Variants in CACNA1E observed in about 807,000 individuals in gnomAD.
CACNA1E encodes voltage-dependent R-type calcium channel subunit alpha-1E.
CACNA1E carries 40 observed loss-of-function variants against 259.2 expected under a neutral mutation model. The ratio of observed to expected loss-of-function variants is 0.15; its 90% CI spans 0.12 to 0.20. CACNA1E has a LOEUF of 0.20. Ranked by LOEUF, CACNA1E falls within the 10% of genes least tolerant of loss-of-function variation. CACNA1E has a pLI of 1.00. For missense variants in CACNA1E, 1,874 were observed against 3,040.1 expected (o/e 0.62, Z 9.02); for synonymous variants, 1,104 against 1,138.5 (o/e 0.97, Z 0.61).
chr1:181,406,682 A>G (rs1221485627), intron 1 of CACNA1E, among the ~76,000 whole-genome samples: 2 of 152,138 alleles, frequency 1.3e-5, no homozygotes, highest in Non-Finnish European at 2.9e-5. Flanking sequence ...CTTTACATGT[A>G]TCTACTTAAT....
chr1:181,508,351 C>A (rs995399705), intron 1 of CACNA1E, among the ~76,000 whole-genome samples: 1 of 152,200 alleles, frequency 6.6e-6, no homozygotes, highest in African/African-American at 2.4e-5. Context: ...ACGCTCTCAA[C>A]TTCTGTTGTC....
Position 181,726,143 on chromosome 1 carries a change from C to T in CACNA1E, c.2221C>T (p.Pro741Ser), listed in dbSNP as rs1046610607. 5.0e-6 allele frequency: 8 copies of T among 1,612,402 alleles called. No homozygotes were observed. The highest frequency in any genetic ancestry group is 6.8e-6 in the Non-Finnish European group (8 of 1,179,098). Residue 741 changes from proline to serine, a missense_variant, in exon 18 of 48, where the codon CCC (proline) becomes TCC (serine). Physicochemically the swap from Pro to Ser is moderately conservative, Grantham distance 74. Transcript: ENST00000367573. ...CAAGGAGGTCAGCCCGATGTCTGCA[C>T]CCAACATGCCTTCGATCGAGTGAGT... The part of the protein sequence containing the change: ...KAKEVSPMSA[P>S]NMPSIERDRR...
chr1:181,668,418 T>A (rs1025363199), intron 7 of CACNA1E, among the ~76,000 whole-genome samples: 1 of 152,210 alleles, frequency 6.6e-6, no homozygotes, highest in Non-Finnish European at 1.5e-5. Context: ...TTTTTTCAGT[T>A]TGGGTTACTA....
chr1:181,491,687 A>G (rs567974931), intron 1 of CACNA1E, among the ~76,000 whole-genome samples: 5 of 152,372 alleles, frequency 3.3e-5, no homozygotes, highest in African/African-American at 1.2e-4. Context: ...GACCAGGGAC[A>G]TATTAAGCAA....
chr1:181,469,384 G>C (rs1662350631), intron 2 of CACNA1E, among the ~76,000 whole-genome samples: 1 of 152,150 alleles, frequency 6.6e-6, no homozygotes, highest in Admixed American at 6.5e-5. Flanking sequence ...CGAGTTAGGG[G>C]GAGACTGCAA....
chr1:181,524,376 C>A (rs1020948713), intron 3 of CACNA1E, among the ~76,000 whole-genome samples: 5 of 152,184 alleles, frequency 3.3e-5, no homozygotes, highest in Admixed American at 3.3e-4. Flanking sequence ...CAATGTGACC[C>A]GTACAGAGCT....
chr1:181,407,949 C>A (rs539634010), intron 1 of CACNA1E, among the ~76,000 whole-genome samples: 57 of 152,296 alleles, frequency 3.7e-4, no homozygotes, highest in Middle Eastern at 6.8e-3. Context: ...ATTAGGACAT[C>A]TTTACCCTCA....
intron 7 of CACNA1E, among the ~76,000 whole-genome samples, chr1:181,658,030 G>A (rs1659350661): frequency 6.6e-6 from 1 of 152,172 alleles, no homozygotes; most frequent in African/African-American, 2.4e-5. Flanking sequence ...ATAATGTCAT[G>A]TTTGTGTAAT....
chr1:181,777,296 A>G (rs2102802206), intron 38 of CACNA1E, among the ~76,000 whole-genome samples: 1 of 152,276 alleles, frequency 6.6e-6, no homozygotes, highest in African/African-American at 2.4e-5. Flanking sequence ...CCCCTCTGAA[A>G]AATACTACAA....
intron 1 of CACNA1E, among the ~76,000 whole-genome samples, chr1:181,353,523 T>TGA (rs897766404): frequency 6.6e-6 from 1 of 151,866 alleles, no homozygotes; most frequent in Non-Finnish European, 1.5e-5. Flanking sequence ...GACAAGCTCT[T>TGA]GAGAGAGAGA....
intron 3 of CACNA1E, among the ~76,000 whole-genome samples, chr1:181,561,562 T>C (rs1649330176): frequency 6.6e-6 from 1 of 152,238 alleles, no homozygotes; most frequent in Non-Finnish European, 1.5e-5. Context: ...CTTTTTGGCT[T>C]CTTGCACTTT....
At position 181,428,247 on chromosome 1, in the gene CACNA1E, C is replaced by T. The variant is rs578218321; in HGVS notation, c.434+14667C>T. On this transcript the variant is annotated intron_variant, in intron 2 of 11. Transcript: ENST00000524607. ...TCACAGTCTGTGTTATCTCTCTGGCCCCACTGGAGAGGCCCGATGAATTAA... is the reference window on the plus strand; with the variant it reads ...TCACAGTCTGTGTTATCTCTCTGGCTCCACTGGAGAGGCCCGATGAATTAA... Among the ~76,000 whole-genome samples the T allele has an allele frequency of 2.5e-3, 376 of 152,246 alleles. 2 individuals carry two copies. The highest frequency in any genetic ancestry group is 8.0e-3 in the African/African-American group (333 of 41,536).
intron 18 of CACNA1E, among the ~76,000 whole-genome samples, chr1:181,726,486 C>G (rs1037281413): frequency 6.6e-6 from 1 of 152,110 alleles, no homozygotes; most frequent in South Asian, 2.1e-4. Flanking sequence ...GCTGTTTAAG[C>G]CAAGACCTAA....
chr1:181,738,272 G>A (rs986731910), intron 23 of CACNA1E, 95 bp from the exon 24 acceptor site: 4 of 925,988 alleles, frequency 4.3e-6, no homozygotes, highest in Admixed American at 1.7e-5. Context: ...GCCAGGGTGG[G>A]CGTGCACGAG....
At chr1:181,664,919 C>A (rs1311297199) in intron 7 of CACNA1E, among the ~76,000 whole-genome samples, 1 of 152,136 alleles carries the variant, frequency 6.6e-6, no homozygotes, top group East Asian at 1.9e-4. Flanking sequence ...AAGCATTTAT[C>A]CTTTTTAAAG....
chr1:181,657,735 G>A (rs913044778), intron 7 of CACNA1E, among the ~76,000 whole-genome samples: 1 of 152,210 alleles, frequency 6.6e-6, no homozygotes, highest in African/African-American at 2.4e-5. Flanking sequence ...ATCCAACGAC[G>A]TGGTACTAAG....
rs5779108 is a variant in CACNA1E at position 181,548,120 on chromosome 1, T to TTTTTTTTTCTTTTTTTTC, written c.513-29629_513-29628insCTTTTTTTTCTTTTTTTT. Among the ~76,000 whole-genome samples the TTTTTTTTTCTTTTTTTTC allele has an allele frequency of 2.2e-5, 2 of 90,964 alleles. 1 individual carries two copies. The highest frequency in any genetic ancestry group is 2.1e-4 in the Admixed American group (2 of 9,498). The allele number at this position is 90,964 out of a possible 152,430, so 59.7% of individuals were successfully genotyped here. A position where few individuals can be genotyped will look rare whatever the true frequency, so the allele number is the denominator to read the frequency against. On this transcript the variant is annotated intron_variant, in intron 3 of 47. Coordinates refer to ENST00000367573, the MANE Select transcript of CACNA1E (RefSeq NM_001205293.3). ...ACTTTCCCCTCTGTTCCCATAACACTTTTTTTTTCTTTTTTTTTTTTTGAG... is the reference window on the plus strand; with the variant it reads ...ACTTTCCCCTCTGTTCCCATAACACTTTTTTTTTCTTTTTTTTCTTTTTTTTCTTTTTTTTTTTTTGAG...
At chr1:181,560,139 C>T (rs1244177942) in intron 3 of CACNA1E, among the ~76,000 whole-genome samples, 1 of 151,854 alleles carries the variant, frequency 6.6e-6, no homozygotes, top group Non-Finnish European at 1.5e-5. Context: ...CCCACCTAGA[C>T]AGGGTCACAA....
At chr1:181,588,103 G>C (rs1652271941) in intron 6 of CACNA1E, among the ~76,000 whole-genome samples, 1 of 152,184 alleles carries the variant, frequency 6.6e-6, no homozygotes, top group Non-Finnish European at 1.5e-5. Context: ...CTGTGACTCT[G>C]GGCGCCGGCG....
Sources: gnomAD v4.1 joint callset for allele counts (sites outside exome capture counted in the v4.1 genomes callset) on GRCh38, gnomAD v4.1.1 for gene constraint, MANE v1.5 for transcripts, NCBI Gene and HGNC (gene_info 2026-07-23, HGNC 2026-07-21) for gene names.